The following LAMA2 variants were observed in gnomAD, a reference collection of about 807,000 sequenced individuals.
LAMA2 encodes the protein laminin subunit alpha-2.
Under a neutral mutation model 364.8 loss-of-function variants are expected in LAMA2, and 269 were observed. The ratio of observed to expected loss-of-function variants is 0.74; its 90% CI spans 0.67 to 0.82. LAMA2 has a LOEUF of 0.82. Among genes scored for constraint, LAMA2 ranks in the 40% least tolerant of loss-of-function variants. The pLI is 0.00. For missense variants in LAMA2, 3,807 were observed against 3,873.2 expected (o/e 0.98, Z 0.45); for synonymous variants, 1,379 against 1,370.6 (o/e 1.01, Z -0.14).
intron 2 of LAMA2, among the ~76,000 whole-genome samples, chr6:129,051,437 C>T (rs886239651): frequency 1.5e-4 from 2 of 13,178 alleles, no homozygotes; most frequent in Non-Finnish European, 2.6e-4. Context: ...CTCAGCCTCC[C>T]GAGTAGCTGG....
At chr6:129,090,433 C>T (rs933727638) in intron 3 of LAMA2, among the ~76,000 whole-genome samples, 1 of 152,172 alleles carries the variant, frequency 6.6e-6, no homozygotes, top group African/African-American at 2.4e-5. Context: ...CAAATATTTA[C>T]TCAGTATTCA....
intron 17 of LAMA2, among the ~76,000 whole-genome samples, chr6:129,272,928 T>A (rs939128360): frequency 3.3e-5 from 5 of 152,026 alleles, no homozygotes; most frequent in African/African-American, 1.2e-4. Flanking sequence ...TGTGGAAAAA[T>A]TGTCTCCAAC....
chr6:129,224,864 G>T (rs968528379), intron 12 of LAMA2, among the ~76,000 whole-genome samples: 3 of 152,190 alleles, frequency 2.0e-5, no homozygotes, highest in African/African-American at 4.8e-5. Flanking sequence ...AGTTAGAGAG[G>T]ATTCCCTCTT....
intron 34 of LAMA2, among the ~76,000 whole-genome samples, chr6:129,376,309 A>C (rs1452401741): frequency 6.6e-6 from 1 of 152,070 alleles, no homozygotes; most frequent in African/African-American, 2.4e-5. Flanking sequence ...CTGGGCTTCC[A>C]CTTGTGTGTA....
At chr6:129,309,975 C>A (rs931206124) in intron 22 of LAMA2, among the ~76,000 whole-genome samples, 20 of 148,440 alleles carry the variant, frequency 1.3e-4, no homozygotes, top group African/African-American at 4.8e-4. Flanking sequence ...TCTCGGCTCA[C>A]TGCAAGCTCC....
chr6:129,297,939 C>T, intron 21 of LAMA2, 74 bp downstream of exon 21: 1 of 1,269,794 alleles, frequency 7.9e-7, no homozygotes, highest in South Asian at 1.3e-5. Context: ...ACAGTTTGTT[C>T]TTTTAAAGGA....
chr6:129,474,839 A>C (rs560655616), intron 52 of LAMA2, among the ~76,000 whole-genome samples: 114 of 152,320 alleles, frequency 7.5e-4, no homozygotes, highest in African/African-American at 2.5e-3. Flanking sequence ...ACAGCATTGC[A>C]TAATTACAGT....
chr6:129,258,035 C>A (rs1174520187), intron 14 of LAMA2, among the ~76,000 whole-genome samples: 1 of 152,050 alleles, frequency 6.6e-6, no homozygotes, highest in Admixed American at 6.6e-5. Context: ...TCCACCCATC[C>A]ATCCATCCAT....
At chr6:129,116,923 T>C (rs1776515189) in intron 4 of LAMA2, among the ~76,000 whole-genome samples, 1 of 152,018 alleles carries the variant, frequency 6.6e-6, no homozygotes, top group Admixed American at 6.6e-5. Flanking sequence ...TGCTTGTCTT[T>C]GAGAAAAGTG....
At chr6:129,129,206 T>A (rs1441265761) in intron 4 of LAMA2, among the ~76,000 whole-genome samples, 10 of 152,044 alleles carry the variant, frequency 6.6e-5, no homozygotes, top group Non-Finnish European at 1.5e-4. Context: ...TAAAGAAAAA[T>A]TTCAGGAATA....
intron 1 of LAMA2, among the ~76,000 whole-genome samples, chr6:128,888,669 GC>G (rs1182883778): frequency 2.0e-5 from 3 of 152,150 alleles, no homozygotes; most frequent in African/African-American, 7.2e-5. Flanking sequence ...CAGGGAGCAG[GC>G]CTATGAGGAT....
intron 4 of LAMA2, among the ~76,000 whole-genome samples, chr6:129,135,564 T>C (rs1484398198): frequency 2.0e-5 from 3 of 152,382 alleles, no homozygotes; most frequent in East Asian, 3.9e-4. Flanking sequence ...TTGTGTATTG[T>C]AATTTCTGAA....
chr6:129,411,041 G>A (rs1780515570), intron 40 of LAMA2, among the ~76,000 whole-genome samples: 1 of 152,200 alleles, frequency 6.6e-6, no homozygotes, highest in South Asian at 2.1e-4. Context: ...CAAGAGATTG[G>A]GTGATGCACA....
chr6:129,344,725 A>T (rs1424085850), intron 30 of LAMA2, among the ~76,000 whole-genome samples: 4 of 152,206 alleles, frequency 2.6e-5, no homozygotes, highest in African/African-American at 7.2e-5. Context: ...AGCAGTCAGA[A>T]GAGAGGGAAC....
chr6:129,138,622 C>T (rs1482696545), intron 4 of LAMA2, among the ~76,000 whole-genome samples: 2 of 152,072 alleles, frequency 1.3e-5, no homozygotes, highest in African/African-American at 2.4e-5. Context: ...ATTCATGGTA[C>T]TTTCATATTT....
At chr6:128,974,998 C>CCCA (rs1321300515) in intron 1 of LAMA2, among the ~76,000 whole-genome samples, 1 of 151,752 alleles carries the variant, frequency 6.6e-6, no homozygotes, top group Non-Finnish European at 1.5e-5. Flanking sequence ...ACTACAGGCG[C>CCCA]CCACCACCAT....
chr6:128,968,389 A>C (rs2114611303), intron 1 of LAMA2, among the ~76,000 whole-genome samples: 1 of 152,326 alleles, frequency 6.6e-6, no homozygotes, highest in East Asian at 1.9e-4. Flanking sequence ...CCCCATTCTT[A>C]TGATGTTTTT....
chr6:128,929,846 A>C (rs1169319097), intron 1 of LAMA2: 1 of 1,014,484 alleles, frequency 9.9e-7, no homozygotes, highest in Non-Finnish European at 1.6e-6. Context: ...GTAAGTGAAA[A>C]ACTTGCCTGA....
Position 129,353,286 on chromosome 6 carries a change from G to C in LAMA2, c.4646G>C (p.Arg1549Pro). The change falls in exon 32 of 65, where the codon CGA becomes CCA. Residue 1549 changes from arginine to proline, a missense_variant. Physicochemically the swap from Arg to Pro is moderately radical, Grantham distance 103 (BLOSUM62 -2). Around this residue, in one of 3 missense-constraint regions of LAMA2, gnomAD observed 3,333 missense variants for 3,345.7 expected, o/e 1.00. Coordinates refer to ENST00000421865, the MANE Select transcript of LAMA2 (RefSeq NM_000426.4). ...CDPVTGFCTC[R>P]PGATGRKCDG... ...CCTGTCACAGGATTCTGCACGTGCC[G>C]ACCTGGAGCCACGGGAAGGAAGTGT... 1 of 1,614,036 alleles carries C rather than the reference G, an allele frequency of 6.2e-7. No homozygotes were observed. Among genetic ancestry groups the C allele is most frequent in the Non-Finnish European group, 8.5e-7 (1 of 1,179,968 alleles).
Sources: allele counts gnomAD v4.1 joint callset (sites outside exome capture counted in the v4.1 genomes callset), GRCh38; gene constraint gnomAD v4.1.1; regional missense constraint gnomAD v4.1.1; transcripts MANE v1.5; gene names NCBI Gene and HGNC (gene_info 2026-07-23, HGNC 2026-07-21).